TECPR2: variants seen among roughly 807,000 people sequenced by gnomAD.
The protein encoded by TECPR2 is tectonin beta-propeller repeat-containing protein 2.
Under a neutral mutation model 138.1 loss-of-function variants are expected in TECPR2, and 65 were observed. The observed-to-expected ratio is 0.47, with a 90% CI of 0.39 to 0.58. The LOEUF (loss-of-function observed/expected upper bound fraction) is 0.58, where lower values mean the gene tolerates loss of function less well. Among genes scored for constraint, TECPR2 ranks in the 20% least tolerant of loss-of-function variants. TECPR2 has a pLI of 0.00. For synonymous variants in TECPR2, 746 were observed against 749.8 expected (o/e 0.99, Z 0.08); for missense variants, 1,553 against 1,824.5 (o/e 0.85, Z 2.71).
intron 10 of TECPR2, 28 bp from the exon 11 acceptor site, chr14:102,440,408 A>G: frequency 6.2e-7 from 1 of 1,611,258 alleles, no homozygotes; most frequent in Non-Finnish European, 8.5e-7. Flanking sequence ...TATTTATTGG[A>G]CAGTGAATAG....
At chr14:102,411,699 C>CAAATAAA (rs1888872241) in intron 4 of TECPR2, among the ~76,000 whole-genome samples, 1 of 46,874 alleles carries the variant, frequency 2.1e-5, no homozygotes, top group Non-Finnish European at 3.3e-5. Context: ...CCATGTTGCT[C>CAAATAAA]AAAAAAAAAA....
In TECPR2 at chr14:102,407,509, T is replaced by C. The variant is rs373513951; in HGVS notation, c.348+43T>C. The C allele has an allele frequency of 2.6e-6, 4 of 1,548,034 alleles. No individual in the cohort carries two copies. The African/African-American group carries it at 5.6e-5, about 22-fold the overall frequency. On this transcript the variant is annotated intron_variant, in intron 3 of 19. Transcript: ENST00000359520. ...TAACACGTGTTAACTTCTTGGCACA[T>C]TCCTCATGGATTTTTAAAATTAGAA... is the stretch of plus-strand genomic sequence containing the variant.
At chr14:102,462,907 T>C (rs1890442253) in intron 16 of TECPR2, among the ~76,000 whole-genome samples, 1 of 152,216 alleles carries the variant, frequency 6.6e-6, no homozygotes, top group Non-Finnish European at 1.5e-5. Flanking sequence ...GAACAGGCAC[T>C]TCACAAAAGA....
chr14:102,484,284 T>C (rs1408507077), intron 17 of TECPR2, among the ~76,000 whole-genome samples: 7 of 152,212 alleles, frequency 4.6e-5, no homozygotes, highest in Admixed American at 4.6e-4. Context: ...TGTTGTTTGA[T>C]GGCTGTAGAG....
chr14:102,431,533 G>A (rs541732244), intron 7 of TECPR2, among the ~76,000 whole-genome samples: 75 of 152,054 alleles, frequency 4.9e-4, no homozygotes, highest in Admixed American at 1.4e-3. Flanking sequence ...TAGTAGAGAC[G>A]GGGTTTCACT....
At chr14:102,455,472 G>T (rs1446666504) in intron 16 of TECPR2, among the ~76,000 whole-genome samples, 2 of 151,992 alleles carry the variant, frequency 1.3e-5, no homozygotes, top group African/African-American at 4.8e-5. Context: ...TTCCAGGTGG[G>T]GTCTCACTCT....
intron 12 of TECPR2, 101 bp from the exon 13 acceptor site, chr14:102,445,705 C>T: frequency 6.9e-7 from 1 of 1,447,002 alleles, no homozygotes; most frequent in Non-Finnish European, 9.2e-7. Context: ...CGTCTCTTCT[C>T]CCAGCCACGC....
intron 5 of TECPR2, among the ~76,000 whole-genome samples, chr14:102,422,754 T>A (rs1889218561): frequency 1.3e-5 from 2 of 152,096 alleles, no homozygotes; most frequent in African/African-American, 4.8e-5. Context: ...AGGAGAACAT[T>A]GGTTGGGTGA....
chr14:102,483,964 T>G (rs1220486235), intron 17 of TECPR2, among the ~76,000 whole-genome samples: 3 of 29,362 alleles, frequency 1.0e-4, no homozygotes, highest in East Asian at 8.8e-4. Flanking sequence ...GCCTGGCTGA[T>G]TCTTATATTT....
Position 102,496,751 on chromosome 14 carries a change from G to A in TECPR2, c.3790-228G>A, listed in dbSNP as rs1021732200. 1.5e-5 allele frequency: 9 copies of A among 592,268 alleles called. No homozygotes were observed. The Admixed American group carries it at 2.3e-4, about 15-fold the overall frequency. The allele number at this position is 592,268 out of a possible 1,614,324, so 36.7% of individuals were successfully genotyped here. ...TGGCCTCCTGCTGGAGTCCATGCTG[G>A]TATCTGCTGGGCTGTCCCTCAGTCT... is the stretch of plus-strand genomic sequence containing the variant. On this transcript the variant is annotated intron_variant, in intron 17 of 19. Transcript: ENST00000359520.
At chr14:102,385,543 G>C (rs1409406862) in intron 2 of TECPR2, among the ~76,000 whole-genome samples, 1 of 152,122 alleles carries the variant, frequency 6.6e-6, no homozygotes, top group Non-Finnish European at 1.5e-5. Context: ...GAGTTTGAGG[G>C]AGCAGCATCC....
intron 16 of TECPR2, among the ~76,000 whole-genome samples, chr14:102,457,820 C>A (rs1890310197): frequency 6.7e-6 from 1 of 150,224 alleles, no homozygotes; most frequent in Admixed American, 6.6e-5. Context: ...TAGCCTCCCC[C>A]AATTGTGCTC....
intron 5 of TECPR2, among the ~76,000 whole-genome samples, chr14:102,424,108 C>T (rs1172886641): frequency 6.6e-6 from 1 of 152,188 alleles, no homozygotes; most frequent in Admixed American, 6.6e-5. Flanking sequence ...TACTGACAAG[C>T]GTAGGTGGTA....
chr14:102,491,024 T>G (rs1891147971), intron 17 of TECPR2, among the ~76,000 whole-genome samples: 1 of 152,080 alleles, frequency 6.6e-6, no homozygotes, highest in Non-Finnish European at 1.5e-5. Flanking sequence ...CCTCCCAAGT[T>G]GGTGGAATTA....
Position 102,443,914 on chromosome 14 carries a change from C to T in TECPR2, c.2933+87C>T, listed in dbSNP as rs929744659. 4.3e-5 allele frequency: 58 copies of T among 1,339,582 alleles called. No homozygotes were observed. In the African/African-American group the frequency reaches 7.0e-4, roughly 16 times the overall value. The allele number at this position is 1,339,582 out of a possible 1,614,324, so 83.0% of individuals were successfully genotyped here. On this transcript the variant is annotated intron_variant, in intron 12 of 19. Transcript: ENST00000359520. The surrounding 1 kb of genome is among the most constrained non-coding windows in gnomAD (Gnocchi z 4.9). The stretch of plus-strand genomic sequence containing the variant: ...TTGACACCACAAGGCACCATGAGGC[C>T]GTTCCTGGGAGGCAGCACCTGCAGC...
intron 2 of TECPR2, among the ~76,000 whole-genome samples, chr14:102,404,884 A>G (rs1888613565): frequency 1.3e-5 from 2 of 151,868 alleles, no homozygotes; most frequent in African/African-American, 4.8e-5. Flanking sequence ...CAGTCAAGTG[A>G]TTTTTGATAA....
chr14:102,472,578 T>C (rs1348514861), intron 17 of TECPR2, among the ~76,000 whole-genome samples: 1 of 152,188 alleles, frequency 6.6e-6, no homozygotes, highest in Non-Finnish European at 1.5e-5. Context: ...ATGGAAGACA[T>C]TCAGTTTGCC....
intron 17 of TECPR2, among the ~76,000 whole-genome samples, chr14:102,471,264 T>G (rs896892405): frequency 1.3e-5 from 2 of 152,214 alleles, no homozygotes; most frequent in Admixed American, 1.3e-4. Context: ...TCTTTCTTCT[T>G]GAGTCAATCT....
In TECPR2 at chr14:102,497,674, G is replaced by A. The variant is rs1891324648; in HGVS notation, c.4036G>A (p.Gly1346Arg). Residue 1346 changes from glycine to arginine, a missense_variant, in exon 19 of 20, where the codon GGG becomes AGG. Gly to Arg is a moderately radical substitution (Grantham distance 125, BLOSUM62 -2). Coordinates refer to ENST00000359520, the MANE Select transcript of TECPR2 (RefSeq NM_014844.5). ...CGGCGTCACAGACAAGAACCCCGCC[G>A]GGGACTACTGGAAGAAAATTCCCGG... ...RYGVTDKNPAGDYWKKIPGSV... is the reference protein window; with the variant it reads ...RYGVTDKNPARDYWKKIPGSV... 10 of 1,608,668 alleles carry A rather than the reference G, an allele frequency of 6.2e-6. No homozygotes were observed. The highest frequency in any genetic ancestry group is 3.3e-4 in the Middle Eastern group (2 of 6,076).
Sources: gnomAD v4.1 joint callset for allele counts (sites outside exome capture counted in the v4.1 genomes callset) on GRCh38, gnomAD v4.1.1 for gene constraint, Gnocchi (gnomAD v3.1) non-coding constraint, MANE v1.5 for transcripts, NCBI Gene and HGNC (gene_info 2026-07-23, HGNC 2026-07-21) for gene names.